The following PALLD variants were observed in gnomAD, a reference collection of about 807,000 sequenced individuals.
The protein encoded by PALLD is palladin, cytoskeletal associated protein, also known as palladin.
Under a neutral mutation model 123.5 loss-of-function variants are expected in PALLD, and 61 were observed. That is an observed-to-expected ratio of 0.49 (90% CI 0.40 to 0.61). PALLD has a LOEUF of 0.61. Among genes scored for constraint, PALLD ranks in the 20% least tolerant of loss-of-function variants. PALLD has a pLI of 0.00. For missense variants in PALLD, 1,273 were observed against 1,377.0 expected, an observed-to-expected ratio of 0.92 and a Z score of 1.20; for synonymous variants, 465 against 496.4, an observed-to-expected ratio of 0.94 and a Z score of 0.84.
chr4:168,683,036 G>C lies in PALLD; in HGVS notation c.1193G>C (p.Gly398Ala), dbSNP rs1318694739. Residue 398 changes from glycine (G) to alanine (A), a missense_variant, in exon 5 of 22, where the codon GGA becomes GCA. By Grantham distance (60) the Gly-to-Ala change is moderately conservative. Coordinates refer to ENST00000505667, the MANE Select transcript of PALLD (RefSeq NM_001166108.2). ...KKTTSVSLTIGSSSPKTGVTT... is the reference protein window; with the variant it reads ...KKTTSVSLTIASSSPKTGVTT... ...ACAACTTCTGTTTCCTTGACAATAG[G>C]ATCATCATCTCCAAAGACAGGGGTG... 1.9e-6 allele frequency: 3 copies of C among 1,612,820 alleles called. 1 individual carries two copies. In the South Asian group the frequency reaches 3.3e-5, roughly 18 times the overall value.
In PALLD at chr4:168,782,278, T is replaced by C. The variant is rs78290515; in HGVS notation, c.1964+70355T>C. 8.4e-3 allele frequency among the ~76,000 whole-genome samples: 1,287 copies of C among 152,358 alleles called. 60 individuals are homozygous for C. In the East Asian group the frequency reaches 0.16, roughly 19 times the overall value. ...TTTTTGAGTGTGCTTGCAACTGTGC[T>C]GTTGATGTAGAGCGAATTATATGTT... On this transcript the variant is annotated intron_variant, in intron 10 of 21. Coordinates refer to ENST00000505667, the MANE Select transcript of PALLD (RefSeq NM_001166108.2).
At chr4:168,534,489 G>C (rs1287057034) in intron 2 of PALLD, among the ~76,000 whole-genome samples, 1 of 152,138 alleles carries the variant, frequency 6.6e-6, no homozygotes, top group Admixed American at 6.5e-5. Context: ...ATATTCTCAA[G>C]ATCTATGACC....
chr4:168,906,565 A>G (rs1757839588), intron 15 of PALLD, among the ~76,000 whole-genome samples: 1 of 152,224 alleles, frequency 6.6e-6, no homozygotes, highest in Non-Finnish European at 1.5e-5. Flanking sequence ...TACATATAAT[A>G]TCACATTGTA....
intron 10 of PALLD, among the ~76,000 whole-genome samples, chr4:168,793,452 A>C (rs948010622): frequency 6.6e-6 from 1 of 151,704 alleles, no homozygotes; most frequent in African/African-American, 2.4e-5. Context: ...ATACTAGTTA[A>C]ATTACTTAAC....
intron 2 of PALLD, among the ~76,000 whole-genome samples, chr4:168,589,022 G>A (rs1463998908): frequency 6.6e-6 from 1 of 152,210 alleles, no homozygotes. Flanking sequence ...AGGGGTATCT[G>A]TAAAACACTA....
intron 13 of PALLD, among the ~76,000 whole-genome samples, chr4:168,897,610 C>G (rs987098749): frequency 6.6e-6 from 1 of 152,068 alleles, no homozygotes; most frequent in South Asian, 2.1e-4. Flanking sequence ...CCATGCCCAG[C>G]TACTGTTCTT....
At chr4:168,542,717 C>CGTAT (rs1765745483) in intron 2 of PALLD, among the ~76,000 whole-genome samples, 9 of 88,930 alleles carry the variant, frequency 1.0e-4, no homozygotes, top group Non-Finnish European at 4.3e-5. Flanking sequence ...CTAACCTTTC[C>CGTAT]ATATATATAT....
chr4:168,682,003 C>A (rs1018642729), intron 4 of PALLD, among the ~76,000 whole-genome samples: 2 of 152,062 alleles, frequency 1.3e-5, no homozygotes, highest in African/African-American at 4.8e-5. Context: ...AAGAGAAAAT[C>A]AATTAAATCA....
At chr4:168,698,521 A>T (rs1783371623) in intron 8 of PALLD, among the ~76,000 whole-genome samples, 1 of 151,896 alleles carries the variant, frequency 6.6e-6, no homozygotes. Context: ...TGTAACCACA[A>T]TTTTTTTTAA....
rs527509770 is a variant in PALLD at position 168,927,790 on chromosome 4, G to A, written c.*1610G>A. ...TGACCAGACTTGATGGTTTTAAGTC[G>A]GAACCGATAAATTTTAAAAAGGAGA... On this transcript the variant is annotated 3_prime_UTR_variant, in exon 22 of 22. Transcript: ENST00000505667. 2.8e-5 allele frequency: 6 copies of A among 217,678 alleles called. No homozygotes were observed. The highest frequency in any genetic ancestry group is 1.9e-4 in the South Asian group (1 of 5,380). The allele number at this position is 217,678 out of a possible 1,614,324, so 13.5% of individuals were successfully genotyped here. A position where few individuals can be genotyped will look rare whatever the true frequency, so the allele number is the denominator to read the frequency against.
intron 2 of PALLD, among the ~76,000 whole-genome samples, chr4:168,559,488 CAT>C (rs2149570575): frequency 6.6e-6 from 1 of 152,202 alleles, no homozygotes; most frequent in South Asian, 2.1e-4. Context: ...AAAATTCAAA[CAT>C]AGCTGAAAAA....
At chr4:168,592,293 G>A (rs28562034) in intron 2 of PALLD, among the ~76,000 whole-genome samples, 2,181 of 152,084 alleles carry the variant, frequency 0.014, 53 homozygotes, top group African/African-American at 0.05. Flanking sequence ...CAAAGTGCTG[G>A]GATTCCAGGT....
At chr4:168,883,370 C>G (rs779526743) in intron 10 of PALLD, among the ~76,000 whole-genome samples, 2 of 152,120 alleles carry the variant, frequency 1.3e-5, no homozygotes, top group African/African-American at 4.8e-5. Flanking sequence ...TAAATGCCAA[C>G]ATGTTAATGA....
In PALLD at chr4:168,673,890, G is replaced by T. The variant is rs74287183; in HGVS notation, c.1087+5522G>T. Among the ~76,000 whole-genome samples, 36 of 69,400 alleles carry T rather than the reference G, an allele frequency of 5.2e-4. 1 individual carries two copies. The highest frequency in any genetic ancestry group is 2.5e-4 in the Admixed American group (2 of 8,132). 45.5% of individuals were successfully genotyped at this position (69,400 alleles called of 152,430 possible). On this transcript the variant is annotated intron_variant, in intron 3 of 21. Transcript: ENST00000505667. ...TTAAGTGCTGTCTTTTGAACGTGCTGTGTGTGTGTGTGTGTGTGTGTGTGT... is the reference window on the plus strand; with the variant it reads ...TTAAGTGCTGTCTTTTGAACGTGCTTTGTGTGTGTGTGTGTGTGTGTGTGT...
chr4:168,710,746 C>A (rs1051863787), intron 9 of PALLD, among the ~76,000 whole-genome samples: 2 of 152,202 alleles, frequency 1.3e-5, no homozygotes, highest in Non-Finnish European at 2.9e-5. Flanking sequence ...GGCTTCAACA[C>A]TGTCCCATCA....
At chr4:168,824,817 CTTT>C (rs148235431) in intron 10 of PALLD, among the ~76,000 whole-genome samples, 170 of 97,870 alleles carry the variant, frequency 1.7e-3, no homozygotes, top group Middle Eastern at 6.2e-3. Context: ...CAGATAAATT[CTTT>C]TTTTTTTTTT....
intron 2 of PALLD, among the ~76,000 whole-genome samples, chr4:168,626,284 C>T (rs1415493873): frequency 4.0e-5 from 6 of 151,836 alleles, no homozygotes; most frequent in African/African-American, 7.3e-5. Context: ...CTCCTGTAGT[C>T]CCAGCTACTC....
At position 168,917,473 on chromosome 4, in the gene PALLD, G is replaced by A. The variant is rs548860513; in HGVS notation, c.2850+1446G>A. 2.0e-4 allele frequency among the ~76,000 whole-genome samples: 30 copies of A among 152,256 alleles called. No individual in the cohort carries two copies. The Middle Eastern group carries it at 0.01, about 52-fold the overall frequency. On this transcript the variant is annotated intron_variant, in intron 17 of 21. Coordinates refer to ENST00000505667, the MANE Select transcript of PALLD (RefSeq NM_001166108.2). ...CATCCATTTCTCAAAGGAGTTTAGGGAAAAAATATTTAAGAAACACTGCTC... is the reference window on the plus strand; with the variant it reads ...CATCCATTTCTCAAAGGAGTTTAGGAAAAAAATATTTAAGAAACACTGCTC...
chr4:168,593,812 G>C (rs1249314306), intron 2 of PALLD, among the ~76,000 whole-genome samples: 1 of 152,142 alleles, frequency 6.6e-6, no homozygotes, highest in East Asian at 1.9e-4. Flanking sequence ...GTTATGTTGG[G>C]TGTTCTATGT....
Sources: gnomAD v4.1 joint callset for allele counts (sites outside exome capture counted in the v4.1 genomes callset) on GRCh38, gnomAD v4.1.1 for gene constraint, MANE v1.5 for transcripts, NCBI Gene and HGNC (gene_info 2026-07-23, HGNC 2026-07-21) for gene names.